CFAP95: variants seen among roughly 807,000 people sequenced by gnomAD.
CFAP95 encodes cilia- and flagella-associated protein 95.
At chr9:69,841,358 T>A in the CFAP95 span, among the ~76,000 whole-genome samples, 1 of 151,656 alleles carries the variant, frequency 6.6e-6, no homozygotes, top group Non-Finnish European at 1.5e-5. Flanking sequence ...ACTCCGGTTT[T>A]ATTGCCTCAG....
the CFAP95 span, among the ~76,000 whole-genome samples, chr9:69,880,078 A>G: frequency 0.027 from 4,180 of 152,226 alleles, 191 homozygotes; most frequent in African/African-American, 0.094. Context: ...GCAATGCATA[A>G]TAATCACATC....
chr9:69,837,539 G>C, the CFAP95 span, among the ~76,000 whole-genome samples: 2 of 152,178 alleles, frequency 1.3e-5, no homozygotes, highest in African/African-American at 4.8e-5. Flanking sequence ...CTTTTGAGAA[G>C]TGTCTGTTCA....
the CFAP95 span, among the ~76,000 whole-genome samples, chr9:69,873,274 G>A: frequency 6.6e-6 from 1 of 152,120 alleles, no homozygotes; most frequent in Non-Finnish European, 1.5e-5. Context: ...CTAGGGTGAC[G>A]GAGTGAGATC....
At chr9:69,867,214 C>T in the CFAP95 span, among the ~76,000 whole-genome samples, 6 of 152,174 alleles carry the variant, frequency 3.9e-5, no homozygotes, top group East Asian at 3.9e-4. Flanking sequence ...CCTATTCTAT[C>T]GCTATCCTTG....
At chr9:69,888,454 A>G in the CFAP95 span, among the ~76,000 whole-genome samples, 1 of 152,216 alleles carries the variant, frequency 6.6e-6, no homozygotes, top group Non-Finnish European at 1.5e-5. Context: ...TGGGCAGTTT[A>G]CAAAGTAGGA....
the CFAP95 span, among the ~76,000 whole-genome samples, chr9:69,828,066 TG>T: frequency 6.6e-6 from 1 of 152,224 alleles, no homozygotes; most frequent in Non-Finnish European, 1.5e-5. Context: ...TGGGAGCTTC[TG>T]GTTCTTGTTA....
At chr9:69,844,612 C>T in the CFAP95 span, 1 of 1,609,582 alleles carries the variant, frequency 6.2e-7, no homozygotes, top group Non-Finnish European at 8.5e-7. Flanking sequence ...CGACTGGGAA[C>T]CGATGAATCC....
chr9:69,825,463 C>T, the CFAP95 span, among the ~76,000 whole-genome samples: 3 of 152,078 alleles, frequency 2.0e-5, no homozygotes, highest in Non-Finnish European at 4.4e-5. Flanking sequence ...ACCTTTGGTT[C>T]GTTACTAGGA....
the CFAP95 span, chr9:69,906,122 A>G: frequency 1.1e-5 from 17 of 1,598,382 alleles, no homozygotes; most frequent in Non-Finnish European, 1.4e-5. Flanking sequence ...TAGTGGGCCT[A>G]TTGTGCCAAT....
the CFAP95 span, among the ~76,000 whole-genome samples, chr9:69,876,335 C>G: frequency 2.0e-5 from 3 of 152,154 alleles, no homozygotes; most frequent in East Asian, 5.9e-4. Flanking sequence ...GAGTTCAAGA[C>G]CAGCCTGGCC....
chr9:69,827,382 C>T, the CFAP95 span, among the ~76,000 whole-genome samples: 1 of 152,166 alleles, frequency 6.6e-6, no homozygotes, highest in Non-Finnish European at 1.5e-5. Context: ...AAAACCAATC[C>T]TCAAACTTTT....
At chr9:69,844,542 A>G in the CFAP95 span, 3 of 1,600,978 alleles carry the variant, frequency 1.9e-6, no homozygotes, top group South Asian at 2.3e-5. Context: ...AGCTTTTCCC[A>G]AAGGTTATGA....
the CFAP95 span, among the ~76,000 whole-genome samples, chr9:69,871,728 C>T: frequency 6.6e-6 from 1 of 152,134 alleles, no homozygotes; most frequent in East Asian, 1.9e-4. Context: ...GAAGAGCCAA[C>T]ATCAGATAAG....
the CFAP95 span, among the ~76,000 whole-genome samples, chr9:69,883,638 G>T: frequency 6.6e-6 from 1 of 151,876 alleles, no homozygotes; most frequent in Non-Finnish European, 1.5e-5. Context: ...TAGGAGTTTT[G>T]CCCATTTCTT....
At chr9:69,901,432 C>T in the CFAP95 span, among the ~76,000 whole-genome samples, 5 of 152,228 alleles carry the variant, frequency 3.3e-5, no homozygotes, top group East Asian at 5.8e-4. Flanking sequence ...CCACCGCGCC[C>T]GGCCGGTGTT....
At chr9:69,871,109 T>A in the CFAP95 span, among the ~76,000 whole-genome samples, 1 of 151,946 alleles carries the variant, frequency 6.6e-6, no homozygotes, top group African/African-American at 2.4e-5. Flanking sequence ...TCCCAGCTAC[T>A]TGGGAGGCTG....
chr9:69,863,819 A>G, the CFAP95 span, among the ~76,000 whole-genome samples: 1 of 152,198 alleles, frequency 6.6e-6, no homozygotes, highest in South Asian at 2.1e-4. Context: ...CCTCATTTAA[A>G]TATACACATA....
the CFAP95 span, among the ~76,000 whole-genome samples, chr9:69,833,260 C>T: frequency 6.6e-6 from 1 of 152,198 alleles, no homozygotes; most frequent in Admixed American, 6.5e-5. Context: ...CTGGGCATTT[C>T]ACATAAATGG....
chr9:69,899,562 A>G, the CFAP95 span, among the ~76,000 whole-genome samples: 1 of 152,260 alleles, frequency 6.6e-6, no homozygotes, highest in African/African-American at 2.4e-5. Context: ...TGAGACTACT[A>G]TCCTTTCAAA....
Sources: gnomAD v4.1 joint callset for allele counts (sites outside exome capture counted in the v4.1 genomes callset) on GRCh38, gnomAD v4.1.1 for gene constraint, MANE v1.5 for transcripts, NCBI Gene and HGNC (gene_info 2026-07-23, HGNC 2026-07-21) for gene names.